Variants in STK3 observed in about 807,000 individuals in gnomAD.
The protein encoded by STK3 is serine/threonine-protein kinase 3.
Under a neutral mutation model 58.0 loss-of-function variants are expected in STK3, and 41 were observed. That is an observed-to-expected ratio of 0.71 (90% CI 0.55 to 0.92). STK3 has a LOEUF of 0.92. STK3 is among the 40% of genes least tolerant of loss of function. The pLI, the probability that STK3 is intolerant of heterozygous loss-of-function variation, is 0.00. For synonymous variants in STK3, 170 were observed against 191.0 expected (o/e 0.89, Z 0.91); for missense variants, 479 against 602.7 (o/e 0.79, Z 2.15).
chr8:98,598,302 G>A (rs1816006112), intron 6 of STK3: 2 of 985,096 alleles, frequency 2.0e-6, no homozygotes, highest in Non-Finnish European at 2.4e-6. Context: ...AGAAACCCAA[G>A]GATAAAAAGC....
At chr8:98,452,754 AAGAT>A (rs890310057), downstream of STK3, among the ~76,000 whole-genome samples, 3 of 119,166 alleles carry the variant, frequency 2.5e-5, no homozygotes, top group African/African-American at 9.5e-5. Flanking sequence ...ACTAGACTTG[AAGAT>A]TTTTTTTTTT....
At chr8:98,489,810 A>C (rs1301338654) in intron 10 of STK3, among the ~76,000 whole-genome samples, 4 of 152,160 alleles carry the variant, frequency 2.6e-5, no homozygotes, top group Non-Finnish European at 5.9e-5. Flanking sequence ...ATACTCACTT[A>C]TGCAATTAAT....
intron 1 of STK3, among the ~76,000 whole-genome samples, chr8:98,897,488 G>A (rs576208539): frequency 2.0e-5 from 3 of 151,610 alleles, no homozygotes; most frequent in South Asian, 2.1e-4. Context: ...GCGTGAACTC[G>A]GGAGGCTGAG....
chr8:98,772,359 G>T (rs1485127412), intron 2 of STK3, among the ~76,000 whole-genome samples: 1 of 152,136 alleles, frequency 6.6e-6, no homozygotes, highest in Admixed American at 6.5e-5. Flanking sequence ...TCATGGCTTG[G>T]TGCTGTCCTT....
chr8:98,450,704 C>T (rs532288026), downstream of STK3, among the ~76,000 whole-genome samples: 5 of 152,294 alleles, frequency 3.3e-5, no homozygotes, highest in South Asian at 4.2e-4. Flanking sequence ...AAATCTTGTA[C>T]GACTCATCTT....
intron 4 of STK3, among the ~76,000 whole-genome samples, chr8:98,714,252 T>A (rs1826801832): frequency 6.6e-6 from 1 of 152,170 alleles, no homozygotes; most frequent in African/African-American, 2.4e-5. Flanking sequence ...CCGCTCCTAT[T>A]CAACATAGTG....
At chr8:98,751,778 T>C (rs1335366289) in intron 3 of STK3, among the ~76,000 whole-genome samples, 1 of 152,018 alleles carries the variant, frequency 6.6e-6, no homozygotes, top group Admixed American at 6.6e-5. Flanking sequence ...CCATCTCTAC[T>C]ACAAATACAA....
intron 9 of STK3, among the ~76,000 whole-genome samples, chr8:98,531,527 G>A (rs1402156741): frequency 6.6e-6 from 1 of 152,184 alleles, no homozygotes; most frequent in Non-Finnish European, 1.5e-5. Context: ...AGAGCAGAAT[G>A]AGCATAATTT....
chr8:98,618,012 A>G (rs953148883), intron 6 of STK3, among the ~76,000 whole-genome samples: 9 of 152,026 alleles, frequency 5.9e-5, no homozygotes, highest in African/African-American at 2.4e-5. Context: ...CACAACCAAA[A>G]AGAAGAATTT....
chr8:98,599,485 A>G (rs1351610756), intron 6 of STK3, among the ~76,000 whole-genome samples: 2 of 151,978 alleles, frequency 1.3e-5, no homozygotes. Context: ...CTGGATGTTT[A>G]TCAGGTCCCG....
chr8:98,904,128 A>G (rs910625594), intron 1 of STK3, among the ~76,000 whole-genome samples: 1 of 152,210 alleles, frequency 6.6e-6, no homozygotes, highest in Non-Finnish European at 1.5e-5. Flanking sequence ...AAAACAAACA[A>G]CACAACCCCC....
chr8:98,637,827 T>C (rs1038498964), intron 6 of STK3, among the ~76,000 whole-genome samples: 1 of 152,178 alleles, frequency 6.6e-6, no homozygotes, highest in Non-Finnish European at 1.5e-5. Context: ...AGTTTCAACA[T>C]CAATGTTTGT....
At position 98,825,592 on chromosome 8, in the gene STK3, G is replaced by A. The variant is rs927354179; in HGVS notation, c.-52C>T. 1.4e-6 allele frequency: 2 copies of A among 1,403,100 alleles called. No homozygotes were observed. Among genetic ancestry groups the A allele is most frequent in the Admixed American group, 3.2e-5 (1 of 31,528 alleles). The allele number at this position is 1,403,100 out of a possible 1,614,324, so 86.9% of individuals were successfully genotyped here. On this transcript the variant is annotated 5_prime_UTR_variant, in exon 1 of 11. Transcript: ENST00000419617. Reference sequence around the variant, plus strand: ...TGGTGGACGGCGAAGGCCGAAAGGAGGAAAGGAGCCGGGGCACCGGCCGGC... The same window carrying A: ...TGGTGGACGGCGAAGGCCGAAAGGAAGAAAGGAGCCGGGGCACCGGCCGGC...
chr8:98,623,967 T>C (rs1394107517), intron 6 of STK3, among the ~76,000 whole-genome samples: 2 of 152,208 alleles, frequency 1.3e-5, no homozygotes, highest in African/African-American at 2.4e-5. Context: ...CATTTTGTTA[T>C]AGCAGCAGGA....
At chr8:98,347,440 A>G in the STK3 span, among the ~76,000 whole-genome samples, 93,005 of 150,756 alleles carry the variant, frequency 0.62, 29,617 homozygotes, top group African/African-American at 0.77. Flanking sequence ...GCGTGAACCC[A>G]GGAGGCAGAG....
intron 1 of STK3, among the ~76,000 whole-genome samples, chr8:98,383,354 T>C (rs1404398223): frequency 6.6e-6 from 1 of 152,046 alleles, no homozygotes; most frequent in African/African-American, 2.4e-5. Context: ...AAGCCAGGCA[T>C]TTCAGACATC....
At chr8:98,589,804 A>G (rs4407851) in intron 7 of STK3, among the ~76,000 whole-genome samples, 151,826 of 152,308 alleles carry the variant, frequency 1, 75,692 homozygotes, top group Middle Eastern at 1. Context: ...CTCGTGGTGC[A>G]CCATTTTTTA....
At chr8:98,552,149 C>A (rs1811221145) in intron 8 of STK3, among the ~76,000 whole-genome samples, 1 of 152,148 alleles carries the variant, frequency 6.6e-6, no homozygotes. Context: ...TCACCACCTT[C>A]TATTCCCAGA....
chr8:98,646,302 T>C (rs775050439), intron 6 of STK3, among the ~76,000 whole-genome samples: 2 of 152,244 alleles, frequency 1.3e-5, no homozygotes, highest in Non-Finnish European at 2.9e-5. Context: ...CTGGTTTCAA[T>C]TTGTACTTGA....
Sources: allele counts gnomAD v4.1 joint callset (sites outside exome capture counted in the v4.1 genomes callset), GRCh38; gene constraint gnomAD v4.1.1; transcripts MANE v1.5; gene names NCBI Gene and HGNC (gene_info 2026-07-23, HGNC 2026-07-21).